Variants in RSRC1 observed in about 807,000 individuals in gnomAD.
The protein encoded by RSRC1 is arginine and serine rich coiled-coil 1.
A neutral mutation model predicts 49.1 loss-of-function variants in RSRC1; 39 were observed. The ratio of observed to expected loss-of-function variants is 0.79; its 90% CI spans 0.61 to 1.04. RSRC1 has a LOEUF of 1.04. Ranked by LOEUF, RSRC1 falls within the 50% of genes least tolerant of loss-of-function variation. RSRC1 has a pLI of 0.00. For synonymous variants in RSRC1, 143 were observed against 130.8 expected (o/e 1.09, Z -0.63); for missense variants, 388 against 402.4 (o/e 0.96, Z 0.31).
chr3:158,243,202 A>G (rs867148701), intron 4 of RSRC1, among the ~76,000 whole-genome samples: 2 of 152,256 alleles, frequency 1.3e-5, no homozygotes, highest in Non-Finnish European at 1.5e-5. Flanking sequence ...TAAGTCTTTA[A>G]TCTACCTTGG....
chr3:158,316,437 C>CTTTTTTTTTTTTTTTTTT (rs1728450999), intron 5 of RSRC1, among the ~76,000 whole-genome samples: 1 of 87,482 alleles, frequency 1.1e-5, no homozygotes, highest in Non-Finnish European at 2.2e-5. Flanking sequence ...CAGAATCTCT[C>CTTTTTTTTTTTTTTTTTT]ATTTTTTTTT....
At chr3:158,175,375 A>C (rs1311064282) in intron 3 of RSRC1, among the ~76,000 whole-genome samples, 1 of 152,114 alleles carries the variant, frequency 6.6e-6, no homozygotes, top group African/African-American at 2.4e-5. Flanking sequence ...TGTTAAAATC[A>C]ATTGCAGTCT....
intron 6 of RSRC1, among the ~76,000 whole-genome samples, chr3:158,396,912 A>G (rs1480121004): frequency 6.6e-6 from 1 of 152,178 alleles, no homozygotes; most frequent in Non-Finnish European, 1.5e-5. Flanking sequence ...CACTCCATGA[A>G]GAGATACCTT....
At chr3:158,283,968 G>A (rs1385245894) in intron 4 of RSRC1, among the ~76,000 whole-genome samples, 1 of 151,198 alleles carries the variant, frequency 6.6e-6, no homozygotes, top group African/African-American at 2.4e-5. Context: ...GTATACATGT[G>A]CCATGCTGGT....
chr3:158,452,946 T>C (rs749787319), intron 6 of RSRC1, among the ~76,000 whole-genome samples: 1 of 152,198 alleles, frequency 6.6e-6, no homozygotes, highest in Non-Finnish European at 1.5e-5. Context: ...GCCCTCTTTC[T>C]ATGCATTTAT....
intron 4 of RSRC1, among the ~76,000 whole-genome samples, chr3:158,268,308 G>T (rs1176362152): frequency 6.6e-6 from 1 of 151,958 alleles, no homozygotes; most frequent in African/African-American, 2.4e-5. Flanking sequence ...CTAATCTCTG[G>T]CTACTTTTTG....
At chr3:158,284,627 A>T (rs1202961359) in intron 4 of RSRC1, among the ~76,000 whole-genome samples, 10 of 146,744 alleles carry the variant, frequency 6.8e-5, no homozygotes, top group Non-Finnish European at 1.3e-4. Flanking sequence ...TTTGATTTGC[A>T]TTTCTCTGAT....
intron 3 of RSRC1, 120 bp downstream of exon 3, chr3:158,124,111 A>T (rs1202617393): frequency 1.5e-6 from 1 of 686,424 alleles, no homozygotes; most frequent in Non-Finnish European, 2.2e-6. Flanking sequence ...GCTGGCACTT[A>T]TTTTTTTCTC....
rs912974830 is a variant in RSRC1, at chr3:158,427,062, T to G, written c.584-33873T>G. Among the ~76,000 whole-genome samples the G allele has an allele frequency of 2.0e-5, 3 of 151,766 alleles. No individual in the cohort carries two copies. The South Asian group carries it at 6.2e-4, about 31-fold the overall frequency. On this transcript the variant is annotated intron_variant, in intron 6 of 9. Coordinates refer to ENST00000611884, the MANE Select transcript of RSRC1 (RefSeq NM_001271838.2). ...TCACTCCCTCTGCAATCAGACTTTT[T>G]CCTGAGACAGGCTCAGTAGGGCACG...
At chr3:158,179,013 C>G (rs1188726689) in intron 3 of RSRC1, among the ~76,000 whole-genome samples, 2 of 151,954 alleles carry the variant, frequency 1.3e-5, no homozygotes, top group African/African-American at 4.8e-5. Context: ...TTGCTGAATT[C>G]TTTTATGGTT....
intron 6 of RSRC1, among the ~76,000 whole-genome samples, chr3:158,426,457 C>T (rs1359322968): frequency 6.6e-6 from 1 of 151,346 alleles, no homozygotes; most frequent in African/African-American, 2.4e-5. Flanking sequence ...TAAGGAGATA[C>T]ACAGCCTCTT....
At chr3:158,436,572 C>T (rs1288542273) in intron 6 of RSRC1, among the ~76,000 whole-genome samples, 1 of 151,828 alleles carries the variant, frequency 6.6e-6, no homozygotes, top group East Asian at 1.9e-4. Context: ...TTTACATATA[C>T]TTAGTACATA....
intron 6 of RSRC1, among the ~76,000 whole-genome samples, chr3:158,415,086 A>G (rs974849442): frequency 2.0e-5 from 3 of 152,150 alleles, no homozygotes; most frequent in Admixed American, 6.6e-5. Flanking sequence ...AGTATCCTCC[A>G]TAGTTCCTGT....
intron 3 of RSRC1, among the ~76,000 whole-genome samples, chr3:158,166,154 G>A (rs994113120): frequency 1.5e-4 from 23 of 151,994 alleles, no homozygotes; most frequent in African/African-American, 2.4e-5. Flanking sequence ...GGATAAGCTG[G>A]GTAATGTCTA....
intron 1 of RSRC1, among the ~76,000 whole-genome samples, chr3:158,119,861 C>T (rs1466641565): frequency 3.8e-5 from 5 of 132,776 alleles, no homozygotes; most frequent in East Asian, 4.5e-4. Context: ...GATAGAGTCT[C>T]GCTCTGTCAC....
intron 4 of RSRC1, among the ~76,000 whole-genome samples, chr3:158,255,577 G>A (rs931358180): frequency 6.6e-6 from 1 of 152,124 alleles, no homozygotes; most frequent in Non-Finnish European, 1.5e-5. Flanking sequence ...TGGACTTAAA[G>A]GTAGTTTTTT....
chr3:158,144,462 A>G (rs1343433014), intron 3 of RSRC1, among the ~76,000 whole-genome samples: 2 of 152,056 alleles, frequency 1.3e-5, no homozygotes, highest in Admixed American at 6.5e-5. Context: ...AAGGACATGA[A>G]CTCATCATTT....
At chr3:158,249,690 T>C (rs1349413735) in intron 4 of RSRC1, among the ~76,000 whole-genome samples, 1 of 152,066 alleles carries the variant, frequency 6.6e-6, no homozygotes, top group African/African-American at 2.4e-5. Flanking sequence ...TATTTTTATT[T>C]TTTTGGGGCA....
At chr3:158,396,235 G>A (rs981775669) in intron 6 of RSRC1, among the ~76,000 whole-genome samples, 1 of 151,950 alleles carries the variant, frequency 6.6e-6, no homozygotes, top group African/African-American at 2.4e-5. Flanking sequence ...TACCTATCAG[G>A]TACTATGCTT....
Sources: allele counts gnomAD v4.1 joint callset (sites outside exome capture counted in the v4.1 genomes callset), GRCh38; gene constraint gnomAD v4.1.1; transcripts MANE v1.5; gene names NCBI Gene and HGNC (gene_info 2026-07-23, HGNC 2026-07-21).